The following ADAMTS2 variants were observed in gnomAD, a reference collection of about 807,000 sequenced individuals.
The protein encoded by ADAMTS2 is ADAM metallopeptidase with thrombospondin type 1 motif 2.
Under a neutral mutation model 123.0 loss-of-function variants are expected in ADAMTS2, and 50 were observed. The observed-to-expected ratio is 0.41, with a 90% CI of 0.32 to 0.51. The LOEUF (loss-of-function observed/expected upper bound fraction) is 0.51. Among genes scored for constraint, ADAMTS2 ranks in the 20% least tolerant of loss-of-function variants. The pLI is 0.35. For synonymous variants in ADAMTS2, 678 were observed against 695.4 expected (o/e 0.98, Z 0.39); for missense variants, 1,494 against 1,705.2 (o/e 0.88, Z 2.18).
At chr5:179,324,801 G>A (rs778373483) in intron 2 of ADAMTS2, among the ~76,000 whole-genome samples, 1 of 152,210 alleles carries the variant, frequency 6.6e-6, no homozygotes, top group Non-Finnish European at 1.5e-5. Flanking sequence ...GAGGGTTCAC[G>A]ACATGGAACA....
rs370188973 is a variant in ADAMTS2 at position 179,132,892 on chromosome 5, G to A, written c.2094C>T (p.Gly698=). ...TGCTGGAGCCGATCACACCGTCACA[G>A]CCCACCTTCTGTTGGGGGAGGAGGC... The part of the protein sequence containing the change: ...LCVRGDCRKV[G]CDGVIGSSKQ... The change falls in exon 14 of 22, where the codon GGC becomes GGT. Residue 698 remains glycine, a synonymous_variant. Transcript: ENST00000251582. The surrounding 1 kb of genome is among the most constrained non-coding windows in gnomAD (Gnocchi z 6.1). 6.2e-7 allele frequency: 1 copy of A among 1,613,672 alleles called. No homozygotes were observed. The highest frequency in any genetic ancestry group is 8.5e-7 in the Non-Finnish European group (1 of 1,179,932).
intron 4 of ADAMTS2, among the ~76,000 whole-genome samples, chr5:179,183,013 T>TGGG (rs1244521681): frequency 2.6e-5 from 4 of 152,202 alleles, no homozygotes; most frequent in African/African-American, 7.2e-5. Flanking sequence ...AAAGCTGTTG[T>TGGG]GGGGATGAAA....
intron 3 of ADAMTS2, among the ~76,000 whole-genome samples, chr5:179,270,320 C>G (rs972112407): frequency 1.3e-5 from 2 of 152,186 alleles, no homozygotes; most frequent in African/African-American, 4.8e-5. Flanking sequence ...TGCCCATCCC[C>G]CACTGGGACA....
rs760298346 is a variant in ADAMTS2, at chr5:179,344,022, C to A, written c.279G>T (p.Arg93=). 6.2e-7 allele frequency: 1 copy of A among 1,612,652 alleles called. No homozygotes were observed. Among genetic ancestry groups the A allele is most frequent in the South Asian group, 1.1e-5 (1 of 91,038 alleles). ...GVRARRAAPV[R]TPSFPGGNEE... ...CGTTGCCTCCGGGGAAGCTCGGGGTCCGGACCGGGGCGGCCCTGCGGGCTC... is the reference window on the plus strand; with the variant it reads ...CGTTGCCTCCGGGGAAGCTCGGGGTACGGACCGGGGCGGCCCTGCGGGCTC... Residue 93 remains arginine (R), a synonymous_variant, in exon 2 of 22, where the codon CGG becomes CGT. Transcript: ENST00000251582.
At chr5:179,138,070 GCAAAGGGAC>G in intron 11 of ADAMTS2, 126 bp from the exon 12 acceptor site, 1 of 1,098,488 alleles carries the variant, frequency 9.1e-7, no homozygotes, top group African/African-American at 1.6e-5. Context: ...GCTCTGCTGA[GCAAAGGGAC>G]CTTGCCCTGC....
At chr5:179,199,161 G>A (rs959277109) in intron 4 of ADAMTS2, among the ~76,000 whole-genome samples, 2 of 152,222 alleles carry the variant, frequency 1.3e-5, no homozygotes, top group Non-Finnish European at 2.9e-5. Context: ...AGAAGGCCCC[G>A]ACCTTGGGGC....
At chr5:179,122,537 C>T in intron 20 of ADAMTS2, 107 bp downstream of exon 20, 2 of 1,458,914 alleles carry the variant, frequency 1.4e-6, no homozygotes, top group Non-Finnish European at 9.2e-7. Context: ...GATGTTGAGT[C>T]CAGCTACTCT....
chr5:179,315,900 C>T lies in ADAMTS2; in HGVS notation c.534+27867G>A, dbSNP rs897782116. ...GAGGGCAGGGAGAAAAGCTGCGAGA[C>T]GTGGGCAAGTCCCAGAAGAGAGTCG... is the stretch of plus-strand genomic sequence containing the variant. On this transcript the variant is annotated intron_variant, in intron 2 of 21. Transcript: ENST00000251582. Among the ~76,000 whole-genome samples, 9 of 152,090 alleles carry T rather than the reference C, an allele frequency of 5.9e-5. No individual in the cohort carries two copies. In the South Asian group the frequency reaches 6.2e-4, roughly 11 times the overall value.
At chr5:179,339,473 G>C (rs11950631) in intron 2 of ADAMTS2, among the ~76,000 whole-genome samples, 1,637 of 152,298 alleles carry the variant, frequency 0.011, 28 homozygotes, top group African/African-American at 0.037. Flanking sequence ...CAGATAATTG[G>C]GGCCATGCTG....
intron 4 of ADAMTS2, among the ~76,000 whole-genome samples, chr5:179,191,564 G>A (rs1342276842): frequency 6.6e-6 from 1 of 150,490 alleles, no homozygotes; most frequent in Non-Finnish European, 1.5e-5. Context: ...GGAAAATGCC[G>A]CTATGGGAGG....
rs61757478 is a variant in ADAMTS2, at chr5:179,153,548, G to A, written c.1458C>T (p.Tyr486=). 4.2e-3 allele frequency: 6,690 copies of A among 1,610,818 alleles called. 27 individuals carry two copies. The highest frequency in any genetic ancestry group is 4.4e-3 in the Non-Finnish European group (5,173 of 1,179,846). Residue 486 remains tyrosine, a synonymous_variant, in exon 9 of 22, where the codon TAC becomes TAT. Transcript: ENST00000251582. ...PALPQLPGLH[Y]SMNEQCRFDF... ...CAAAGCGGCATTGCTCGTTCATGGA[G>A]TAGTGCAGTCCCGGGAGCTGGGGCA...
intron 17 of ADAMTS2, among the ~76,000 whole-genome samples, chr5:179,127,725 T>C (rs1420577189): frequency 1.3e-5 from 2 of 151,988 alleles, no homozygotes; most frequent in Non-Finnish European, 2.9e-5. Flanking sequence ...GGCCCACAAA[T>C]ACAGGGTCCA....
intron 2 of ADAMTS2, among the ~76,000 whole-genome samples, chr5:179,281,726 C>A (rs939148198): frequency 6.6e-6 from 1 of 152,178 alleles, no homozygotes; most frequent in Non-Finnish European, 1.5e-5. Context: ...AGTAACTGTG[C>A]CAGACTGTCC....
Position 179,234,993 on chromosome 5 carries a change from C to T in ADAMTS2, c.689-27278G>A, listed in dbSNP as rs895066099. ...GACCTGCTCATGTTCCCGCAACGCC[C>T]TTACAGCCATGGGTCCGAGAAAACA... On this transcript the variant is annotated intron_variant, in intron 3 of 21. Coordinates refer to ENST00000251582, the MANE Select transcript of ADAMTS2 (RefSeq NM_014244.5). This position sits in a 1 kb window ranked among gnomAD's most constrained non-coding sequence, Gnocchi z 4.7. 1.8e-4 allele frequency among the ~76,000 whole-genome samples: 28 copies of T among 152,328 alleles called. No homozygotes were observed. Among genetic ancestry groups the T allele is most frequent in the Non-Finnish European group, 3.2e-4 (22 of 68,030 alleles).
intron 4 of ADAMTS2, among the ~76,000 whole-genome samples, chr5:179,203,407 G>A (rs576273346): frequency 3.5e-4 from 54 of 152,360 alleles, no homozygotes; most frequent in African/African-American, 9.1e-4. Context: ...CTGCTGCCAC[G>A]TCTGTCCTTC....
At chr5:179,154,650 G>T (rs1392810755) in intron 7 of ADAMTS2, among the ~76,000 whole-genome samples, 164 bp downstream of exon 7, 1 of 152,182 alleles carries the variant, frequency 6.6e-6, no homozygotes, top group African/African-American at 2.4e-5. Flanking sequence ...AGCAAAAGTG[G>T]GCCTCGGGCC....
chr5:179,201,293 TAC>T (rs1228930946), intron 4 of ADAMTS2, among the ~76,000 whole-genome samples: 1 of 152,252 alleles, frequency 6.6e-6, no homozygotes, highest in African/African-American at 2.4e-5. Flanking sequence ...ATGAACGTGA[TAC>T]AGTTAGTGGC....
At chr5:179,139,419 G>T (rs928604814) in intron 11 of ADAMTS2, among the ~76,000 whole-genome samples, 1 of 152,132 alleles carries the variant, frequency 6.6e-6, no homozygotes, top group African/African-American at 2.4e-5. Context: ...GTATAGCTGA[G>T]CATGGGGATG....
intron 2 of ADAMTS2, among the ~76,000 whole-genome samples, chr5:179,299,243 A>G (rs1275323442): frequency 6.6e-6 from 1 of 150,450 alleles, no homozygotes; most frequent in Non-Finnish European, 1.5e-5. Flanking sequence ...TAAAAACACA[A>G]ATTTGTCCAG....
Sources: gnomAD v4.1 joint callset for allele counts (sites outside exome capture counted in the v4.1 genomes callset) on GRCh38, gnomAD v4.1.1 for gene constraint, Gnocchi (gnomAD v3.1) non-coding constraint, MANE v1.5 for transcripts, NCBI Gene and HGNC (gene_info 2026-07-23, HGNC 2026-07-21) for gene names.